Variants in NHSL1 observed in about 807,000 individuals in gnomAD.
NHSL1 encodes NHS-like protein 1.
Under a neutral mutation model 95.0 loss-of-function variants are expected in NHSL1, and 48 were observed. The observed-to-expected ratio is 0.51, with a 90% CI of 0.40 to 0.64. NHSL1 has a LOEUF of 0.64. Ranked by LOEUF, NHSL1 falls within the 30% of genes least tolerant of loss-of-function variation. NHSL1 has a pLI of 0.00. For synonymous variants in NHSL1, 783 were observed against 833.9 expected, an observed-to-expected ratio of 0.94 and a Z score of 1.05; for missense variants, 1,971 against 2,077.7, an observed-to-expected ratio of 0.95 and a Z score of 1.00.
chr6:138,637,731 A>G (rs1562399054), intron 1 of NHSL1, among the ~76,000 whole-genome samples: 2 of 152,192 alleles, frequency 1.3e-5, no homozygotes, highest in Non-Finnish European at 2.9e-5. Context: ...GCAATAACAA[A>G]TGCTGCAGAG....
intron 1 of NHSL1, among the ~76,000 whole-genome samples, chr6:138,532,066 C>T (rs1000783148): frequency 2.0e-5 from 3 of 152,114 alleles, no homozygotes; most frequent in Non-Finnish European, 4.4e-5. Flanking sequence ...AGAGAACTTC[C>T]AAGAGGAGGT....
intron 3 of NHSL1, among the ~76,000 whole-genome samples, chr6:138,463,640 G>C (rs1778148005): frequency 6.6e-6 from 1 of 151,806 alleles, no homozygotes. Context: ...CCGTCGTCTA[G>C]GTTTTAAGCC....
intron 1 of NHSL1, among the ~76,000 whole-genome samples, chr6:138,598,827 A>G (rs964495251): frequency 1.3e-5 from 2 of 152,180 alleles, no homozygotes; most frequent in Admixed American, 6.5e-5. Flanking sequence ...TGCTGCCTTC[A>G]TTCAAAGACG....
At chr6:138,660,367 A>C (rs1193473878) in intron 1 of NHSL1, among the ~76,000 whole-genome samples, 3 of 152,186 alleles carry the variant, frequency 2.0e-5, no homozygotes, top group Non-Finnish European at 4.4e-5. Context: ...AAGGAATCAA[A>C]CTCAGACCTG....
chr6:138,432,133 T>A lies in NHSL1; in HGVS notation c.2212A>T (p.Ser738Cys). ...CTGCCAGCACTAACTGTGCTCTGGCTCCGGGAGCGGGGCAGCCAGGGCTCT... is the reference window on the plus strand; with the variant it reads ...CTGCCAGCACTAACTGTGCTCTGGCACCGGGAGCGGGGCAGCCAGGGCTCT... ...LEEPWLPRSR[S>C]QSTVSAGSSM... The change falls in exon 6 of 8, where the codon AGC becomes TGC. Residue 738 changes from serine to cysteine, a missense_variant. Physicochemically the swap from Ser to Cys is moderately radical, Grantham distance 112 (BLOSUM62 -1). Coordinates refer to ENST00000343505, the MANE Select transcript of NHSL1 (RefSeq NM_001144060.2). This position sits in a 1 kb window ranked among gnomAD's most constrained non-coding sequence, Gnocchi z 4.4. The A allele has an allele frequency of 1.3e-6, 2 of 1,549,736 alleles. No individual in the cohort carries two copies. The highest frequency in any genetic ancestry group is 1.7e-6 in the Non-Finnish European group (2 of 1,145,762).
intron 1 of NHSL1, among the ~76,000 whole-genome samples, chr6:138,598,240 C>A (rs1205445992): frequency 6.6e-6 from 1 of 152,108 alleles, no homozygotes; most frequent in East Asian, 1.9e-4. Flanking sequence ...AGATGGATCA[C>A]TTGAGGCCAA....
intron 5 of NHSL1, among the ~76,000 whole-genome samples, chr6:138,438,365 A>G (rs564035383): frequency 6.6e-6 from 1 of 152,076 alleles, no homozygotes; most frequent in Non-Finnish European, 1.5e-5. Context: ...TTTTTTTAAC[A>G]TAATGCTATT....
At chr6:138,615,614 G>A (rs897789846) in intron 1 of NHSL1, among the ~76,000 whole-genome samples, 1 of 152,230 alleles carries the variant, frequency 6.6e-6, no homozygotes, top group African/African-American at 2.4e-5. Flanking sequence ...AGGACTACAG[G>A]CGCATGCCAC....
chr6:138,585,394 G>T (rs531652794), intron 1 of NHSL1, among the ~76,000 whole-genome samples: 28 of 152,286 alleles, frequency 1.8e-4, no homozygotes, highest in African/African-American at 6.7e-4. Context: ...TACTTGTGAG[G>T]CATATTTTTC....
At chr6:138,593,796 A>C (rs970904744) in intron 1 of NHSL1, among the ~76,000 whole-genome samples, 2 of 152,238 alleles carry the variant, frequency 1.3e-5, no homozygotes, top group African/African-American at 4.8e-5. Flanking sequence ...GTTATGAATT[A>C]GTAAACTGCT....
intron 7 of NHSL1, among the ~76,000 whole-genome samples, chr6:138,425,443 G>A (rs752405091): frequency 5.9e-5 from 9 of 152,160 alleles, no homozygotes; most frequent in Non-Finnish European, 1.2e-4. Context: ...CCACACAAAA[G>A]AGAACAGCTC....
chr6:138,510,312 C>T (rs993336080), intron 1 of NHSL1, among the ~76,000 whole-genome samples: 1 of 152,122 alleles, frequency 6.6e-6, no homozygotes, highest in Non-Finnish European at 1.5e-5. Flanking sequence ...GGTTCACATG[C>T]AAAATGCTAA....
chr6:138,466,041 T>TGG (rs71009586), intron 3 of NHSL1, among the ~76,000 whole-genome samples: 4,034 of 125,374 alleles, frequency 0.032, 203 homozygotes, highest in African/African-American at 0.087. Flanking sequence ...CACTCCTTTT[T>TGG]GGGGGGGGGG....
At chr6:138,610,560 T>TATATATATATATATATATATATA (rs1554256222) in intron 1 of NHSL1, among the ~76,000 whole-genome samples, 3 of 64,614 alleles carry the variant, frequency 4.6e-5, no homozygotes, top group African/African-American at 2.4e-4. Flanking sequence ...TATATATATA[T>TATATATATATATATATATATATA]TATATATATA....
At chr6:138,451,869 C>T (rs1343597327) in intron 3 of NHSL1, among the ~76,000 whole-genome samples, 2 of 152,214 alleles carry the variant, frequency 1.3e-5, no homozygotes, top group Non-Finnish European at 2.9e-5. Flanking sequence ...AGAATGAAAC[C>T]TTTTGAAAAG....
chr6:138,588,229 C>G (rs1784170411), intron 1 of NHSL1, among the ~76,000 whole-genome samples: 2 of 152,282 alleles, frequency 1.3e-5, no homozygotes, highest in South Asian at 4.1e-4. Flanking sequence ...TTGGGAAGCC[C>G]AGGCGGGCAG....
chr6:138,479,037 A>C (rs1466837352), intron 2 of NHSL1, among the ~76,000 whole-genome samples: 1 of 152,222 alleles, frequency 6.6e-6, no homozygotes, highest in African/African-American at 2.4e-5. Flanking sequence ...TTCAATTTTT[A>C]ATATAGTAGT....
intron 1 of NHSL1, among the ~76,000 whole-genome samples, chr6:138,528,865 A>G (rs1019615049): frequency 1.3e-5 from 2 of 152,188 alleles, no homozygotes; most frequent in African/African-American, 2.4e-5. Flanking sequence ...CAAGATTAGT[A>G]TGTTTCCAGT....
intron 1 of NHSL1, among the ~76,000 whole-genome samples, chr6:138,533,138 TGAG>T (rs1410115544): frequency 6.6e-6 from 1 of 151,430 alleles, no homozygotes; most frequent in Non-Finnish European, 1.5e-5. Flanking sequence ...TTAGAGAAAA[TGAG>T]GAACAAATGT....
Sources: allele counts gnomAD v4.1 joint callset (sites outside exome capture counted in the v4.1 genomes callset), GRCh38; gene constraint gnomAD v4.1.1; non-coding constraint Gnocchi (gnomAD v3.1); transcripts MANE v1.5; gene names NCBI Gene and HGNC (gene_info 2026-07-23, HGNC 2026-07-21).